Variants in SHANK2 observed in about 807,000 individuals in gnomAD.
The protein encoded by SHANK2 is SH3 and multiple ankyrin repeat domains protein 2.
Under a neutral mutation model 133.7 loss-of-function variants are expected in SHANK2, and 43 were observed. The observed-to-expected ratio is 0.32, with a 90% CI of 0.25 to 0.41. The LOEUF is 0.41. Ranked by LOEUF, SHANK2 falls within the 10% of genes least tolerant of loss-of-function variation. The pLI, the probability that SHANK2 is intolerant of heterozygous loss-of-function variation, is 1.00. For missense variants in SHANK2, 1,994 were observed against 2,235.8 expected (o/e 0.89, Z 2.18); for synonymous variants, 1,017 against 952.8 (o/e 1.07, Z -1.24).
chr11:71,191,778 C>T (rs879957397), intron 2 of SHANK2, among the ~76,000 whole-genome samples: 6 of 152,084 alleles, frequency 3.9e-5, no homozygotes, highest in Non-Finnish European at 7.4e-5. Context: ...AGGCTGGTCT[C>T]GAACTCCTGG....
chr11:71,222,909 G>A (rs377306604), intron 2 of SHANK2, among the ~76,000 whole-genome samples: 4 of 152,254 alleles, frequency 2.6e-5, no homozygotes, highest in Admixed American at 1.3e-4. Context: ...GGCCACAGAC[G>A]AGGGGGACTG....
rs201729038 is a variant in SHANK2, at chr11:70,796,310, AGGAT to A, written c.1777+2129_1777+2132del. On this transcript the variant is annotated intron_variant, in intron 14 of 25. Transcript: ENST00000601538. The stretch of plus-strand genomic sequence containing the variant: ...TATCCTGGAAGCCGCTACTCTCTGG[AGGAT>A]GGAGAGAGCAGGAAGCTCAAATGAT... Among the ~76,000 whole-genome samples the A allele has an allele frequency of 1.3e-3, 196 of 152,294 alleles. 1 individual carries two copies. In the East Asian group the frequency reaches 0.014, roughly 11 times the overall value.
At chr11:70,515,307 G>C (rs1356491035) in intron 17 of SHANK2, among the ~76,000 whole-genome samples, 10 of 152,162 alleles carry the variant, frequency 6.6e-5, no homozygotes, top group Admixed American at 6.5e-4. Context: ...CCAAAGTGCT[G>C]GGACTACAGG....
At chr11:70,537,147 C>A (rs1454427338) in intron 17 of SHANK2, among the ~76,000 whole-genome samples, 3 of 152,160 alleles carry the variant, frequency 2.0e-5, no homozygotes, top group Non-Finnish European at 2.9e-5. Context: ...TCCCTGAGCG[C>A]CCCCCTCTCA....
intron 17 of SHANK2, among the ~76,000 whole-genome samples, chr11:70,567,123 G>A (rs1038177952): frequency 1.3e-5 from 2 of 152,160 alleles, no homozygotes; most frequent in South Asian, 2.1e-4. Context: ...TAAACACACC[G>A]GGCTATGATT....
intron 2 of SHANK2, among the ~76,000 whole-genome samples, chr11:71,220,944 T>C (rs557636255): frequency 2.6e-5 from 4 of 152,280 alleles, no homozygotes; most frequent in African/African-American, 9.6e-5. Flanking sequence ...CTCACGCCTA[T>C]AATCCCAGCA....
At chr11:70,909,304 C>T (rs1950154561) in intron 10 of SHANK2, among the ~76,000 whole-genome samples, 1 of 152,206 alleles carries the variant, frequency 6.6e-6, no homozygotes, top group South Asian at 2.1e-4. Flanking sequence ...GACTTTTCTA[C>T]TTGGCCTCCA....
chr11:71,120,739 G>A (rs1555101334), intron 3 of SHANK2, among the ~76,000 whole-genome samples: 8 of 152,136 alleles, frequency 5.3e-5, no homozygotes. Flanking sequence ...GGAAACTCCT[G>A]GCACAAGAAA....
chr11:70,545,938 C>T (rs1554976266), intron 17 of SHANK2, among the ~76,000 whole-genome samples: 1 of 152,150 alleles, frequency 6.6e-6, no homozygotes, highest in Non-Finnish European at 1.5e-5. Context: ...ACATGCATCA[C>T]TTATGGCAAC....
At chr11:70,645,718 C>T (rs1047522407) in intron 17 of SHANK2, among the ~76,000 whole-genome samples, 12 of 152,176 alleles carry the variant, frequency 7.9e-5, no homozygotes, top group East Asian at 5.8e-4. Flanking sequence ...CTCACAGTTT[C>T]GCTTCAGTCC....
chr11:70,878,308 A>T (rs1949602654), intron 11 of SHANK2, among the ~76,000 whole-genome samples: 2 of 152,246 alleles, frequency 1.3e-5, no homozygotes, highest in South Asian at 4.1e-4. Context: ...GAGGACCTCG[A>T]CAAGGTCTAG....
chr11:70,621,011 C>T (rs2060822608), intron 17 of SHANK2, among the ~76,000 whole-genome samples: 2 of 152,354 alleles, frequency 1.3e-5, no homozygotes, highest in African/African-American at 4.8e-5. Context: ...GTGACCACAA[C>T]AGGCCTCAGT....
intron 11 of SHANK2, among the ~76,000 whole-genome samples, chr11:70,835,240 C>T (rs563262847): frequency 2.0e-4 from 31 of 152,290 alleles, no homozygotes; most frequent in African/African-American, 7.0e-4. Context: ...CAATGGCTTA[C>T]GGGCAGCATG....
chr11:70,811,413 A>G (rs1948274691), intron 12 of SHANK2, among the ~76,000 whole-genome samples: 1 of 152,146 alleles, frequency 6.6e-6, no homozygotes, highest in Admixed American at 6.5e-5. Flanking sequence ...AGGGACACTG[A>G]GCCTGCCCTG....
chr11:70,863,428 C>T (rs1590770765), intron 11 of SHANK2: 1 of 457,908 alleles, frequency 2.2e-6, no homozygotes, highest in Non-Finnish European at 4.4e-6. Flanking sequence ...GCTCGGTGCC[C>T]TGGGACGCCT....
chr11:71,210,259 T>A (rs148482130), intron 2 of SHANK2, among the ~76,000 whole-genome samples: 4,491 of 132,220 alleles, frequency 0.034, 225 homozygotes, highest in Middle Eastern at 0.044. Flanking sequence ...TATATTTATT[T>A]ATTTTTTGAA....
intron 25 of SHANK2, among the ~76,000 whole-genome samples, chr11:70,482,752 C>T (rs1436342404): frequency 6.6e-6 from 1 of 152,198 alleles, no homozygotes; most frequent in African/African-American, 2.4e-5. Flanking sequence ...GGCACTCACG[C>T]GTGGGTCGGC....
At chr11:71,086,477 T>C (rs1951420687) in intron 8 of SHANK2, among the ~76,000 whole-genome samples, 1 of 139,604 alleles carries the variant, frequency 7.2e-6, no homozygotes, top group Non-Finnish European at 1.5e-5. Flanking sequence ...TAATATATAA[T>C]TTGTTATATA....
intron 3 of SHANK2, among the ~76,000 whole-genome samples, chr11:71,135,342 G>GC (rs1952415522): frequency 1.3e-5 from 2 of 152,172 alleles, no homozygotes; most frequent in African/African-American, 2.4e-5. Flanking sequence ...CTGCCCAGCT[G>GC]CCCCCCAGGC....
Sources: gnomAD v4.1 joint callset for allele counts (sites outside exome capture counted in the v4.1 genomes callset) on GRCh38, gnomAD v4.1.1 for gene constraint, MANE v1.5 for transcripts, NCBI Gene and HGNC (gene_info 2026-07-23, HGNC 2026-07-21) for gene names.